Variants in PLEKHB2 observed in about 807,000 individuals in gnomAD.
PLEKHB2 encodes pleckstrin homology domain containing B2, also known as pleckstrin homology domain-containing family B member 2.
A neutral mutation model predicts 36.5 loss-of-function variants in PLEKHB2; 31 were observed. The observed-to-expected ratio is 0.85, with a 90% CI of 0.64 to 1.15. The LOEUF is 1.15. Among genes scored for constraint, PLEKHB2 ranks in the 50% most tolerant of loss-of-function variants. The pLI, the probability that PLEKHB2 is intolerant of heterozygous loss-of-function variation, is 0.00. For synonymous variants in PLEKHB2, 119 were observed against 112.0 expected (o/e 1.06, Z -0.39); for missense variants, 262 against 295.3 (o/e 0.89, Z 0.83).
At chr2:131,112,761 C>T (rs185306857) in intron 1 of PLEKHB2, among the ~76,000 whole-genome samples, 1 of 152,084 alleles carries the variant, frequency 6.6e-6, no homozygotes, top group Non-Finnish European at 1.5e-5. Flanking sequence ...ATCAGCTTGT[C>T]TGGAAACTAC....
intron 1 of PLEKHB2, among the ~76,000 whole-genome samples, chr2:131,110,304 T>C (rs1695164652): frequency 6.7e-6 from 1 of 150,360 alleles, no homozygotes; most frequent in Admixed American, 6.6e-5. Flanking sequence ...TCGGTCCTGC[T>C]CCAGTCTGGA....
intron 2 of PLEKHB2, among the ~76,000 whole-genome samples, chr2:131,124,628 A>G (rs1696905878): frequency 6.6e-6 from 1 of 152,190 alleles, no homozygotes; most frequent in Admixed American, 6.5e-5. Flanking sequence ...TGTGCACAGC[A>G]TGGGAGGCCA....
chr2:131,140,393 A>G (rs1032825796), intron 7 of PLEKHB2, 118 bp downstream of exon 7: 7 of 610,006 alleles, frequency 1.1e-5, no homozygotes, highest in Non-Finnish European at 1.7e-5. Flanking sequence ...TTCTGGTTGT[A>G]GACTACAAAT....
intron 2 of PLEKHB2, among the ~76,000 whole-genome samples, chr2:131,124,953 T>A (rs1182075318): frequency 6.6e-6 from 1 of 151,876 alleles, no homozygotes; most frequent in Non-Finnish European, 1.5e-5. Context: ...GCCCAGCTAA[T>A]TTTTTGTATT....
chr2:131,118,022 T>A (rs895159451), intron 1 of PLEKHB2, among the ~76,000 whole-genome samples: 1 of 152,206 alleles, frequency 6.6e-6, no homozygotes, highest in Non-Finnish European at 1.5e-5. Context: ...TCAACCATCT[T>A]AAGTGATAAA....
intron 6 of PLEKHB2, among the ~76,000 whole-genome samples, chr2:131,138,705 C>A (rs73962916): frequency 0.19 from 28,671 of 152,030 alleles, 3,232 homozygotes; most frequent in African/African-American, 0.32. Context: ...TTATTGCTTC[C>A]CCCGTAGCCT....
chr2:131,149,372 A>T lies in PLEKHB2; in HGVS notation c.*2599A>T, dbSNP rs769356460. 5 of 152,230 alleles carry T rather than the reference A, an allele frequency of 3.3e-5. No homozygotes were observed. The highest frequency in any genetic ancestry group is 5.9e-5 in the Non-Finnish European group (4 of 68,032). The allele number at this position is 152,230 out of a possible 1,614,324, so 9.4% of individuals were successfully genotyped here. ...CATTTTACTTCCATGTGTACTTTTA[A>T]ATAATCCATACCTTGAAGAAGTTGG... On this transcript the variant is annotated 3_prime_UTR_variant, in exon 8 of 8. Transcript: ENST00000693505.
chr2:131,112,192 A>T (rs1184787532), intron 1 of PLEKHB2, among the ~76,000 whole-genome samples: 1 of 152,180 alleles, frequency 6.6e-6, no homozygotes, highest in Non-Finnish European at 1.5e-5. Context: ...TGGTTTAATC[A>T]ATCATGCTAA....
chr2:131,110,922 G>C (rs966841677), intron 1 of PLEKHB2, among the ~76,000 whole-genome samples: 1 of 151,926 alleles, frequency 6.6e-6, no homozygotes, highest in African/African-American at 2.4e-5. Flanking sequence ...ATCTAGAAAT[G>C]TGTTATCCTG....
chr2:131,137,720 C>T (rs545772190), intron 6 of PLEKHB2, among the ~76,000 whole-genome samples: 2 of 152,096 alleles, frequency 1.3e-5, no homozygotes, highest in African/African-American at 4.8e-5. Flanking sequence ...TCGTTTTATT[C>T]ACTTTTTCTG....
intron 4 of PLEKHB2, among the ~76,000 whole-genome samples, chr2:131,127,787 A>G (rs1303418067): frequency 6.6e-6 from 1 of 152,230 alleles, no homozygotes; most frequent in Non-Finnish European, 1.5e-5. Flanking sequence ...GCAAATTTTC[A>G]GTATTACCCT....
chr2:131,126,808 G>C lies in PLEKHB2; in HGVS notation c.293+22G>C, dbSNP rs904505651. 2.3e-6 allele frequency: 3 copies of C among 1,316,804 alleles called. No homozygotes were observed. The African/African-American group carries it at 4.4e-5, about 19-fold the overall frequency. The allele number at this position is 1,316,804 out of a possible 1,614,324, so 81.6% of individuals were successfully genotyped here. On this transcript the variant is annotated intron_variant, in intron 4 of 7. Coordinates refer to ENST00000693505, the MANE Select transcript of PLEKHB2 (RefSeq NM_001100623.2). ...GCTTGTAAGTTTTGCTTTCTTATGT[G>C]TTTAATTTAAAAAGTATTTTCTATT... is the stretch of plus-strand genomic sequence containing the variant.
At position 131,126,782 on chromosome 2, in the gene PLEKHB2, T is replaced by C; in HGVS notation, c.289T>C (p.Cys97Arg). ...ISLCAESTDD[C>R]LAWKFTLQDS... ...TCTTTGTGCAGAAAGCACAGATGATTGCTTGTAAGTTTTGCTTTCTTATGT... is the reference window on the plus strand; with the variant it reads ...TCTTTGTGCAGAAAGCACAGATGATCGCTTGTAAGTTTTGCTTTCTTATGT... Residue 97 changes from cysteine (C) to arginine (R), a missense_variant, in exon 4 of 8, where the codon TGC becomes CGC. Coordinates refer to ENST00000693505, the MANE Select transcript of PLEKHB2 (RefSeq NM_001100623.2). The C allele has an allele frequency of 6.4e-7, 1 of 1,558,970 alleles. No homozygotes were observed. Among genetic ancestry groups the C allele is most frequent in the Non-Finnish European group, 8.8e-7 (1 of 1,130,908 alleles).
intron 7 of PLEKHB2, among the ~76,000 whole-genome samples, chr2:131,141,589 G>C (rs1208626672): frequency 7.0e-6 from 1 of 143,040 alleles, no homozygotes; most frequent in East Asian, 2.0e-4. Flanking sequence ...GCAGTGAGCC[G>C]ACATCGTGTC....
intron 6 of PLEKHB2, among the ~76,000 whole-genome samples, chr2:131,136,310 C>G (rs976596698): frequency 6.6e-6 from 1 of 150,772 alleles, no homozygotes; most frequent in Non-Finnish European, 1.5e-5. Flanking sequence ...TCACTTCAGC[C>G]TGGAATTCCT....
intron 1 of PLEKHB2, among the ~76,000 whole-genome samples, chr2:131,116,847 C>A (rs996937359): frequency 6.6e-6 from 1 of 152,166 alleles, no homozygotes; most frequent in African/African-American, 2.4e-5. Flanking sequence ...CTTTATCGGC[C>A]AGGCACAGTG....
rs752898810 is a variant in PLEKHB2 at position 131,146,663 on chromosome 2, C to A, written c.559C>A (p.Gln187Lys). ...ACTTTATGGACAGCAGCCTGCTAAC[C>A]AAGTCATCATTCGAGAGCGCTATCG... is the stretch of plus-strand genomic sequence containing the variant. ...AGLYGQQPAN[Q>K]VIIRERYRDN... The change falls in exon 8 of 8, where the codon CAA becomes AAA. Residue 187 changes from glutamine (Q) to lysine (K), a missense_variant. Transcript: ENST00000693505. The A allele has an allele frequency of 6.2e-7, 1 of 1,613,374 alleles. No homozygotes were observed. The highest frequency in any genetic ancestry group is 8.5e-7 in the Non-Finnish European group (1 of 1,179,750).
intron 5 of PLEKHB2, 132 bp downstream of exon 5, chr2:131,130,892 C>T (rs1015842421): frequency 1.1e-5 from 7 of 657,352 alleles, no homozygotes; most frequent in African/African-American, 3.7e-5. Context: ...GTAGTCCTCC[C>T]ACCTCAGCCT....
At chr2:131,117,603 C>G (rs1480950550) in intron 1 of PLEKHB2, among the ~76,000 whole-genome samples, 1 of 152,056 alleles carries the variant, frequency 6.6e-6, no homozygotes, top group Non-Finnish European at 1.5e-5. Context: ...AATTTTTAGC[C>G]TGTTCTCATT....
Sources: gnomAD v4.1 joint callset for allele counts (sites outside exome capture counted in the v4.1 genomes callset) on GRCh38, gnomAD v4.1.1 for gene constraint, MANE v1.5 for transcripts, NCBI Gene and HGNC (gene_info 2026-07-23, HGNC 2026-07-21) for gene names.